The following SKAP2 variants were observed in gnomAD, a reference collection of about 807,000 sequenced individuals.
SKAP2 encodes src kinase-associated phosphoprotein 2.
In SKAP2, 28 loss-of-function variants were observed where a neutral mutation model predicts 54.9. The ratio of observed to expected loss-of-function variants is 0.51; its 90% confidence interval spans 0.38 to 0.70. The LOEUF is 0.70. Ranked by LOEUF, SKAP2 falls within the 30% of genes least tolerant of loss-of-function variation. The pLI is 0.00. For missense variants in SKAP2, 356 were observed against 424.1 expected, an observed-to-expected ratio of 0.84 and a Z score of 1.41; for synonymous variants, 137 against 134.3, an observed-to-expected ratio of 1.02 and a Z score of -0.14.
At chr7:26,848,997 C>A (rs1784982747) in intron 3 of SKAP2, among the ~76,000 whole-genome samples, 1 of 152,168 alleles carries the variant, frequency 6.6e-6, no homozygotes, top group Non-Finnish European at 1.5e-5. Flanking sequence ...TTCAAACATG[C>A]TTAAGACATT....
At chr7:26,826,483 TC>T (rs1476786383) in intron 4 of SKAP2, among the ~76,000 whole-genome samples, 2 of 152,206 alleles carry the variant, frequency 1.3e-5, no homozygotes, top group Non-Finnish European at 2.9e-5. Flanking sequence ...GAGTTGGGTT[TC>T]TTTTTCTGTC....
At chr7:26,706,786 A>G (rs1456711038) in intron 9 of SKAP2, among the ~76,000 whole-genome samples, 1 of 152,246 alleles carries the variant, frequency 6.6e-6, no homozygotes, top group Non-Finnish European at 1.5e-5. Flanking sequence ...TTGAAATGCC[A>G]GCCCCATTTT....
At chr7:26,861,642 T>C (rs1785273927) in intron 1 of SKAP2, among the ~76,000 whole-genome samples, 1 of 147,676 alleles carries the variant, frequency 6.8e-6, no homozygotes, top group Admixed American at 6.7e-5. Context: ...TTTTTTTACA[T>C]TTCTATGGAA....
At chr7:26,758,851 T>C (rs1030106284) in intron 4 of SKAP2, among the ~76,000 whole-genome samples, 5 of 152,224 alleles carry the variant, frequency 3.3e-5, no homozygotes, top group Admixed American at 2.0e-4. Flanking sequence ...AAAATCTCCA[T>C]GTGCTTACAG....
intron 6 of SKAP2, among the ~76,000 whole-genome samples, chr7:26,733,534 A>G (rs1787863202): frequency 6.6e-6 from 1 of 152,134 alleles, no homozygotes; most frequent in Admixed American, 6.5e-5. Context: ...ACAATATTAA[A>G]AGAGAAATAT....
intron 4 of SKAP2, among the ~76,000 whole-genome samples, chr7:26,761,784 C>T (rs1411687336): frequency 1.3e-5 from 2 of 152,298 alleles, no homozygotes; most frequent in South Asian, 2.1e-4. Flanking sequence ...TCTGTAATCC[C>T]GGCAACTCGG....
chr7:26,787,134 G>C (rs190142985), intron 4 of SKAP2, among the ~76,000 whole-genome samples: 2 of 152,264 alleles, frequency 1.3e-5, no homozygotes, highest in East Asian at 3.9e-4. Context: ...TTTGACTTCA[G>C]AATTTTGCTC....
At chr7:26,858,118 G>T (rs1248141205) in intron 1 of SKAP2, 1 of 152,240 alleles carries the variant, frequency 6.6e-6, no homozygotes, top group African/African-American at 2.4e-5. Context: ...CGGGAGAGAA[G>T]CGTGGGAGGC....
chr7:26,656,832 G>C, the SKAP2 span, among the ~76,000 whole-genome samples: 1 of 151,590 alleles, frequency 6.6e-6, no homozygotes, highest in East Asian at 1.9e-4. Flanking sequence ...ATGTGTCTCC[G>C]GCCCCAGTGC....
At chr7:26,796,704 TTAA>T (rs1257381307) in intron 4 of SKAP2, among the ~76,000 whole-genome samples, 14 of 152,250 alleles carry the variant, frequency 9.2e-5, no homozygotes, top group Middle Eastern at 3.2e-3. Flanking sequence ...ATTAATTTTC[TTAA>T]TAACATTTCT....
At chr7:26,798,404 T>C (rs575998080) in intron 4 of SKAP2, among the ~76,000 whole-genome samples, 32 of 151,788 alleles carry the variant, frequency 2.1e-4, no homozygotes, top group African/African-American at 7.2e-4. Context: ...AAAAATGCAA[T>C]TGGCATACTG....
intron 4 of SKAP2, among the ~76,000 whole-genome samples, chr7:26,810,040 G>C (rs1026800032): frequency 6.6e-6 from 1 of 152,102 alleles, no homozygotes; most frequent in Non-Finnish European, 1.5e-5. Flanking sequence ...TTTATATGTA[G>C]TGTTAAAAAG....
chr7:26,787,125 T>C (rs1412196656), intron 4 of SKAP2, among the ~76,000 whole-genome samples: 1 of 152,200 alleles, frequency 6.6e-6, no homozygotes, highest in Middle Eastern at 3.2e-3. Flanking sequence ...AGGTCTTCGT[T>C]TGACTTCAGA....
At chr7:26,796,416 G>T (rs35887700) in intron 4 of SKAP2, among the ~76,000 whole-genome samples, 1 of 152,202 alleles carries the variant, frequency 6.6e-6, no homozygotes, top group Non-Finnish European at 1.5e-5. Flanking sequence ...GTGATCTCTT[G>T]TGGGTCTCAC....
At chr7:26,785,019 C>T (rs1783511946) in intron 4 of SKAP2, among the ~76,000 whole-genome samples, 1 of 152,096 alleles carries the variant, frequency 6.6e-6, no homozygotes, top group Admixed American at 6.6e-5. Flanking sequence ...CTTTGAGGCA[C>T]ATCTGGAAAT....
chr7:26,791,893 C>T (rs1287269086), intron 4 of SKAP2, among the ~76,000 whole-genome samples: 2 of 152,098 alleles, frequency 1.3e-5, no homozygotes, highest in Non-Finnish European at 2.9e-5. Flanking sequence ...TCTTGTACAC[C>T]AACACTTACA....
chr7:26,715,639 C>T (rs542384343), intron 9 of SKAP2, among the ~76,000 whole-genome samples: 2 of 152,176 alleles, frequency 1.3e-5, no homozygotes, highest in South Asian at 4.1e-4. Flanking sequence ...ATTGGCCAGG[C>T]ATGGTGGTGC....
At chr7:26,846,873 C>T (rs368011233) in intron 3 of SKAP2, among the ~76,000 whole-genome samples, 10 of 152,014 alleles carry the variant, frequency 6.6e-5, no homozygotes, top group African/African-American at 2.2e-4. Context: ...CCCAGCTACT[C>T]GGGAGGCTGA....
intron 4 of SKAP2, among the ~76,000 whole-genome samples, chr7:26,774,546 T>C (rs913144573): frequency 1.8e-4 from 28 of 151,918 alleles, no homozygotes; most frequent in Non-Finnish European, 3.5e-4. Context: ...CATACACACC[T>C]ATGTGTATAT....
Sources: gnomAD v4.1 joint callset for allele counts (sites outside exome capture counted in the v4.1 genomes callset) on GRCh38, gnomAD v4.1.1 for gene constraint, MANE v1.5 for transcripts, NCBI Gene and HGNC (gene_info 2026-07-23, HGNC 2026-07-21) for gene names.